The following CD58 variants were observed in gnomAD, a reference collection of about 807,000 sequenced individuals.
The protein encoded by CD58 is CD58 molecule, also known as lymphocyte function-associated antigen 3.
Under a neutral mutation model 27.6 loss-of-function variants are expected in CD58, and 14 were observed. The observed-to-expected ratio is 0.51, with a 90% CI of 0.34 to 0.79. The LOEUF (loss-of-function observed/expected upper bound fraction) is 0.79, where lower values mean the gene tolerates loss of function less well. Ranked by LOEUF, CD58 falls within the 30% of genes least tolerant of loss-of-function variation. CD58 has a pLI of 0.02. For missense variants in CD58, 268 were observed against 301.7 expected (o/e 0.89, Z 0.83); for synonymous variants, 117 against 103.8 (o/e 1.13, Z -0.77).
Position 116,558,335 on chromosome 1 carries a change from A to G in CD58, c.70+12568T>C, listed in dbSNP as rs1335532. On this transcript the variant is annotated intron_variant, in intron 1 of 5. Coordinates refer to ENST00000369489, the MANE Select transcript of CD58 (RefSeq NM_001779.3). Reference sequence around the variant, plus strand: ...TTTTTGCTCCCAAGTGAGCAGATGGATTTCTCATCTGGATATGGGTCACTG... The same window carrying G: ...TTTTTGCTCCCAAGTGAGCAGATGGGTTTCTCATCTGGATATGGGTCACTG... 0.28 allele frequency among the ~76,000 whole-genome samples: 43,153 copies of G among 151,914 alleles called. 8,549 individuals carry two copies. Among genetic ancestry groups the G allele is most frequent in the East Asian group, 0.6 (3,103 of 5,156 alleles).
intron 4 of CD58, among the ~76,000 whole-genome samples, chr1:116,520,517 T>G (rs529908939): frequency 1.3e-5 from 2 of 152,068 alleles, no homozygotes; most frequent in South Asian, 4.2e-4. Flanking sequence ...CTTTTTTTTT[T>G]TTTTTTAAGT....
Position 116,563,135 on chromosome 1 carries a change from G to T in CD58, c.70+7768C>A, listed in dbSNP as rs1658811417. Among the ~76,000 whole-genome samples, 1 of 152,118 alleles carries T rather than the reference G, an allele frequency of 6.6e-6. No individual in the cohort carries two copies. The highest frequency in any genetic ancestry group is 1.5e-5 in the Non-Finnish European group (1 of 68,014). ...ATTGTCCAAAACAAAAGGGCTACAG[G>T]CCCCATGCAAGTCCTAAATCCAATA... On this transcript the variant is annotated intron_variant, in intron 1 of 5. Coordinates refer to ENST00000369489, the MANE Select transcript of CD58 (RefSeq NM_001779.3). This position sits in a 1 kb window ranked among gnomAD's most constrained non-coding sequence, Gnocchi z 4.1.
In CD58 at chr1:116,528,331, A is replaced by G. The variant is rs1450407095; in HGVS notation, c.629-6348T>C. Reference sequence around the variant, plus strand: ...GCATATTTTTGTGTTTCTATGATGAATTTTTCCAATTTCTCTCTTTTTTCT... The same window carrying G: ...GCATATTTTTGTGTTTCTATGATGAGTTTTTCCAATTTCTCTCTTTTTTCT... On this transcript the variant is annotated intron_variant, in intron 3 of 5. Coordinates refer to ENST00000369489, the MANE Select transcript of CD58 (RefSeq NM_001779.3). This position sits in a 1 kb window ranked among gnomAD's most constrained non-coding sequence, Gnocchi z 4.4. 3.3e-5 allele frequency among the ~76,000 whole-genome samples: 5 copies of G among 151,436 alleles called. No homozygotes were observed. The highest frequency in any genetic ancestry group is 4.2e-4 in the South Asian group (2 of 4,814).
chr1:116,543,370 A>T (rs188137062), intron 2 of CD58, among the ~76,000 whole-genome samples: 1 of 152,208 alleles, frequency 6.6e-6, no homozygotes, highest in East Asian at 1.9e-4. Context: ...GGTAGTGGGT[A>T]ACGTAGAGGA....
chr1:116,560,038 C>T (rs538553306), intron 1 of CD58: 32 of 153,744 alleles, frequency 2.1e-4, no homozygotes, highest in African/African-American at 7.5e-4. Flanking sequence ...TAGGTTAGTG[C>T]AAAAGTAATT....
rs1657660608 is a variant in CD58 at position 116,532,820 on chromosome 1, G to A, written c.628+3145C>T. 5.4e-6 allele frequency: 3 copies of A among 552,538 alleles called. No individual in the cohort carries two copies. The highest frequency in any genetic ancestry group is 6.2e-5 in the Admixed American group (2 of 32,198). 34.2% of individuals were successfully genotyped at this position (552,538 alleles called of 1,614,324 possible). On this transcript the variant is annotated intron_variant, in intron 3 of 5. Coordinates refer to ENST00000369489, the MANE Select transcript of CD58 (RefSeq NM_001779.3). The surrounding 1 kb of genome is among the most constrained non-coding windows in gnomAD (Gnocchi z 5.1). ...AAGTGAAAATCATGCACTTGAAAAC[G>A]ATTAGATGGAGTAAGCGCTGTCGAC... is the stretch of plus-strand genomic sequence containing the variant.
At position 116,538,483 on chromosome 1, in the gene CD58, C is replaced by A. The variant is rs993313524; in HGVS notation, c.365-2255G>T. ...CTGGGCATTTCTCAGGGGCAGAAAA[C>A]CAAGCTTTCTACCTCCTTAGAAATG... On this transcript the variant is annotated intron_variant, in intron 2 of 5. Transcript: ENST00000369489. The surrounding 1 kb of genome is among the most constrained non-coding windows in gnomAD (Gnocchi z 4.7). 1.3e-5 allele frequency among the ~76,000 whole-genome samples: 2 copies of A among 152,150 alleles called. No individual in the cohort carries two copies. Among genetic ancestry groups the A allele is most frequent in the African/African-American group, 4.8e-5 (2 of 41,432 alleles).
Position 116,570,900 on chromosome 1 carries a change from C to T in CD58, c.70+3G>A. The stretch of plus-strand genomic sequence containing the variant: ...CGGGGCCCCTGGGGCAGGCTTCACT[C>T]ACCAAAGCAGTGCAGCAGGCAGACC... On this transcript the variant is annotated splice_donor_region_variant and intron_variant, in intron 1 of 5. Coordinates refer to ENST00000369489, the MANE Select transcript of CD58 (RefSeq NM_001779.3). The surrounding 1 kb of genome is among the most constrained non-coding windows in gnomAD (Gnocchi z 6.4). 1 of 1,557,212 alleles carries T rather than the reference C, an allele frequency of 6.4e-7. No homozygotes were observed.
chr1:116,569,599 T>A (rs1021401669), intron 1 of CD58, among the ~76,000 whole-genome samples: 1 of 64,342 alleles, frequency 1.6e-5, no homozygotes, highest in Non-Finnish European at 2.9e-5. Context: ...ACAGCTCACC[T>A]TTTTTTTTTT....
intron 2 of CD58, among the ~76,000 whole-genome samples, chr1:116,543,351 A>G (rs1318556718): frequency 6.6e-6 from 1 of 152,058 alleles, no homozygotes; most frequent in East Asian, 1.9e-4. Flanking sequence ...GTTCTCGGTT[A>G]CATCCATGGG....
At chr1:116,518,568 G>C (rs1657159054) in intron 5 of CD58, 1 of 597,302 alleles carries the variant, frequency 1.7e-6, no homozygotes, top group Admixed American at 6.3e-5. Flanking sequence ...CAAAGAGGAT[G>C]GCTTGCTACT....
At position 116,534,035 on chromosome 1, in the gene CD58, T is replaced by G. The variant is rs1311902040; in HGVS notation, c.628+1930A>C. On this transcript the variant is annotated intron_variant, in intron 3 of 5. Coordinates refer to ENST00000369489, the MANE Select transcript of CD58 (RefSeq NM_001779.3). The surrounding 1 kb of genome is among the most constrained non-coding windows in gnomAD (Gnocchi z 5.3). ...GTGAGCTTTTCCGTCTTACTTGCAT[T>G]TTTAGCAGCTTCCACGAAATCTGAA... The G allele has an allele frequency of 1.7e-6, 2 of 1,145,780 alleles. No individual in the cohort carries two copies. Among genetic ancestry groups the G allele is most frequent in the East Asian group, 4.8e-5 (2 of 41,894 alleles). The allele number at this position is 1,145,780 out of a possible 1,614,324, so 71.0% of individuals were successfully genotyped here. A position where few individuals can be genotyped will look rare whatever the true frequency, so the allele number is the denominator to read the frequency against.
At chr1:116,565,905 G>C (rs976639147) in intron 1 of CD58, among the ~76,000 whole-genome samples, 1 of 151,954 alleles carries the variant, frequency 6.6e-6, no homozygotes, top group Non-Finnish European at 1.5e-5. Flanking sequence ...TTTTAGTAGA[G>C]ACAGGGTTTC....
rs1215196405 is a variant in CD58 at position 116,544,351 on chromosome 1, T to G, written c.324A>C (p.Pro108=). Reference sequence around the variant, plus strand: ...AGAACTTCATGGTATCAGTAATATTTGGCGATTCCATTTCATACTCATCTT... The same window carrying G: ...AGAACTTCATGGTATCAGTAATATTGGGCGATTCCATTTCATACTCATCTT... ...SDEDEYEMES[P]NITDTMKFFL... is the part of the protein sequence containing the mutation. The change falls in exon 2 of 6, where the codon CCA becomes CCC. Residue 108 remains proline, a synonymous_variant. Transcript: ENST00000369489. 5.6e-6 allele frequency: 9 copies of G among 1,610,642 alleles called. No homozygotes were observed. The highest frequency in any genetic ancestry group is 6.8e-6 in the Non-Finnish European group (8 of 1,178,996).
At chr1:116,545,935 G>T (rs572242540) in intron 1 of CD58, among the ~76,000 whole-genome samples, 30 of 152,322 alleles carry the variant, frequency 2.0e-4, no homozygotes, top group African/African-American at 7.0e-4. Flanking sequence ...CCAGCATTTT[G>T]GGAGGCCAAG....
chr1:116,540,572 C>T (rs183675962), intron 2 of CD58, among the ~76,000 whole-genome samples: 13 of 152,110 alleles, frequency 8.5e-5, no homozygotes, highest in Admixed American at 7.2e-4. Flanking sequence ...TTTATCAAGT[C>T]ACTTCCTTGC....
Position 116,521,691 on chromosome 1 carries a change from T to C in CD58, c.706+215A>G, listed in dbSNP as rs1657266185. 2 of 467,322 alleles carry C rather than the reference T, an allele frequency of 4.3e-6. No individual in the cohort carries two copies. Among genetic ancestry groups the C allele is most frequent in the Non-Finnish European group, 7.9e-6 (2 of 251,626 alleles). The allele number at this position is 467,322 out of a possible 1,614,324, so 28.9% of individuals were successfully genotyped here. On this transcript the variant is annotated intron_variant, in intron 4 of 5. Coordinates refer to ENST00000369489, the MANE Select transcript of CD58 (RefSeq NM_001779.3). The surrounding 1 kb of genome is among the most constrained non-coding windows in gnomAD (Gnocchi z 5.6). ...GGCTGTGTTCCCAGGCCTGTAAAGC[T>C]CTCTGTGGCCTAAGGATTCATTCTA...
intron 1 of CD58, among the ~76,000 whole-genome samples, chr1:116,554,625 T>C (rs1286866059): frequency 1.3e-5 from 2 of 152,136 alleles, no homozygotes; most frequent in African/African-American, 4.8e-5. Flanking sequence ...CCCTAAATGA[T>C]TAACAGTGGT....
At chr1:116,540,416 A>G (rs1397479990) in intron 2 of CD58, among the ~76,000 whole-genome samples, 2 of 151,884 alleles carry the variant, frequency 1.3e-5, no homozygotes, top group Non-Finnish European at 2.9e-5. Context: ...GAGTCATCTT[A>G]TGTCTTTTTA....
Sources: allele counts gnomAD v4.1 joint callset (sites outside exome capture counted in the v4.1 genomes callset), GRCh38; gene constraint gnomAD v4.1.1; non-coding constraint Gnocchi (gnomAD v3.1); transcripts MANE v1.5; gene names NCBI Gene and HGNC (gene_info 2026-07-23, HGNC 2026-07-21).